KIZ: variants seen among roughly 807,000 people sequenced by gnomAD.
The protein encoded by KIZ is centrosomal protein kizuna.
Under a neutral mutation model 79.6 loss-of-function variants are expected in KIZ, and 68 were observed. That is an observed-to-expected ratio of 0.85 (90% confidence interval 0.70 to 1.05). The LOEUF is 1.05. KIZ is among the 50% of genes least tolerant of loss of function. The pLI is 0.00. For missense variants in KIZ, 797 were observed against 800.4 expected, an observed-to-expected ratio of 1.00 and a Z score of 0.05; for synonymous variants, 280 against 281.8, an observed-to-expected ratio of 0.99 and a Z score of 0.06.
upstream of KIZ, chr20:21,126,079 C>A (rs1352770870): frequency 1.8e-5 from 27 of 1,492,628 alleles, no homozygotes; most frequent in Non-Finnish European, 2.3e-5. Context: ...CGAACGGCCA[C>A]CCAGAGGCTG....
rs78804075 is a variant in KIZ at position 21,162,768 on chromosome 20, A to G, written c.1043-82A>G. 0.012 allele frequency: 13,532 copies of G among 1,118,946 alleles called. 108 individuals carry two copies. The highest frequency in any genetic ancestry group is 0.023 in the Middle Eastern group (97 of 4,234). 69.3% of individuals were successfully genotyped at this position (1,118,946 alleles called of 1,614,324 possible). On this transcript the variant is annotated intron_variant, in intron 5 of 12. Coordinates refer to ENST00000619189, the MANE Select transcript of KIZ (RefSeq NM_018474.6). Reference sequence around the variant, plus strand: ...TGTGGGTTGCTTCTCCATGTTTTTAACTGATGAGTAATTCTGCTGTGTGTT... The same window carrying G: ...TGTGGGTTGCTTCTCCATGTTTTTAGCTGATGAGTAATTCTGCTGTGTGTT...
At chr20:21,213,616 C>T (rs769862887) in intron 7 of KIZ, 17 of 152,218 alleles carry the variant, frequency 1.1e-4, no homozygotes, top group Admixed American at 2.6e-4. Flanking sequence ...ATGAGAGAAA[C>T]ATACACTCTG....
At chr20:21,243,299 T>C (rs1416328963) in intron 11 of KIZ, among the ~76,000 whole-genome samples, 1 of 113,598 alleles carries the variant, frequency 8.8e-6, no homozygotes, top group Non-Finnish European at 2.1e-5. Flanking sequence ...TAGTGGAGCA[T>C]GTTTTTCTGA....
chr20:21,145,721 T>G, intron 4 of KIZ, 67 bp downstream of exon 4: 1 of 606,498 alleles, frequency 1.6e-6, no homozygotes, highest in Non-Finnish European at 2.8e-6. Flanking sequence ...TCTTGAGATA[T>G]TGTTTTAAAT....
intron 4 of KIZ, 140 bp from the exon 5 acceptor site, chr20:21,161,731 T>C (rs1456629136): frequency 6.9e-6 from 4 of 581,832 alleles, no homozygotes; most frequent in African/African-American, 1.9e-5. Flanking sequence ...TAGGAAGCCA[T>C]GAGTTTAATA....
intron 4 of KIZ, among the ~76,000 whole-genome samples, chr20:21,150,194 G>A (rs190390876): frequency 7.2e-5 from 11 of 152,074 alleles, no homozygotes; most frequent in East Asian, 1.9e-4. Flanking sequence ...TGAGAGAAAC[G>A]CTTGGGCCAA....
chr20:21,145,697 C>A, intron 4 of KIZ, 43 bp downstream of exon 4: 1 of 810,810 alleles, frequency 1.2e-6, no homozygotes, highest in South Asian at 1.9e-5. Flanking sequence ...CAGAGGAATT[C>A]TGGAGTGTTT....
At chr20:21,239,427 C>T (rs573843804) in intron 11 of KIZ, among the ~76,000 whole-genome samples, 1 of 152,212 alleles carries the variant, frequency 6.6e-6, no homozygotes, top group Non-Finnish European at 1.5e-5. Context: ...ACTGCTGGCT[C>T]GCTCTGTGTG....
chr20:21,185,714 CT>C (rs34999241), intron 6 of KIZ, among the ~76,000 whole-genome samples: 3,126 of 138,254 alleles, frequency 0.023, 48 homozygotes, highest in African/African-American at 0.053. Flanking sequence ...CCCAACCCTA[CT>C]TTTTTTTTTT....
At chr20:21,145,675 C>A (rs1455861859) in intron 4 of KIZ, 21 bp downstream of exon 4, 9 of 1,104,554 alleles carry the variant, frequency 8.1e-6, no homozygotes, top group South Asian at 6.3e-5. Context: ...AAATTGGTAA[C>A]CTTTCTGTTA....
chr20:21,232,684 A>G (rs1025979949), intron 10 of KIZ, 50 bp from the exon 11 acceptor site: 2 of 920,720 alleles, frequency 2.2e-6, no homozygotes, highest in Middle Eastern at 2.1e-4. Context: ...ATTTTGTCCC[A>G]TGGCTGCATG....
chr20:21,185,816 G>T (rs1422636616), intron 6 of KIZ, among the ~76,000 whole-genome samples: 1 of 147,192 alleles, frequency 6.8e-6, no homozygotes, highest in Non-Finnish European at 1.5e-5. Flanking sequence ...GGTTCAAGCA[G>T]TTCTCCTGCC....
At chr20:21,245,303 C>T (rs2037351727) in intron 12 of KIZ, 1 of 152,136 alleles carries the variant, frequency 6.6e-6, no homozygotes, top group Non-Finnish European at 1.5e-5. Context: ...AGAAGGACAG[C>T]TACCTACTGT....
chr20:21,133,302 T>C (rs899333342), intron 2 of KIZ: 2 of 152,240 alleles, frequency 1.3e-5, no homozygotes, highest in Non-Finnish European at 2.9e-5. Flanking sequence ...CTCTAGTAAC[T>C]CTGAAAGAGA....
intron 9 of KIZ, among the ~76,000 whole-genome samples, chr20:21,217,619 T>G (rs2036346075): frequency 6.6e-6 from 1 of 152,178 alleles, no homozygotes; most frequent in Admixed American, 6.5e-5. Flanking sequence ...GTGTCAGCTC[T>G]TTTACTCCTT....
Position 21,214,650 on chromosome 20 carries a change from A to G in KIZ, c.1562A>G (p.Lys521Arg), listed in dbSNP as rs1315876381. 1 of 1,612,988 alleles carries G rather than the reference A, an allele frequency of 6.2e-7. No individual in the cohort carries two copies. The highest frequency in any genetic ancestry group is 1.7e-5 in the Admixed American group (1 of 59,992). The change falls in exon 8 of 13, where the codon AAG becomes AGG. Residue 521 changes from lysine to arginine, a missense_variant. Coordinates refer to ENST00000619189, the MANE Select transcript of KIZ (RefSeq NM_018474.6). ...PSILNDNSGI[K>R]EAKPAVWLNS... ...ATTCTGAATGACAATAGTGGAATAA[A>G]GGAAGCCAAACCTGCTGTATGGCTC... is the stretch of plus-strand genomic sequence containing the variant.
At chr20:21,187,219 CA>C (rs2034911964) in intron 6 of KIZ, among the ~76,000 whole-genome samples, 1 of 152,168 alleles carries the variant, frequency 6.6e-6, no homozygotes, top group East Asian at 1.9e-4. Flanking sequence ...GGTTCAACAG[CA>C]AACCAGCCCA....
chr20:21,206,816 G>T (rs1056429246), intron 7 of KIZ, among the ~76,000 whole-genome samples: 2 of 152,148 alleles, frequency 1.3e-5, no homozygotes, highest in East Asian at 1.9e-4. Context: ...GGAGGGAGGG[G>T]CCTGATTTGG....
At chr20:21,241,868 T>C (rs4815032) in intron 11 of KIZ, among the ~76,000 whole-genome samples, 141,912 of 152,210 alleles carry the variant, frequency 0.93, 66,258 homozygotes, top group Middle Eastern at 0.97. Context: ...TTTTTTTTTC[T>C]GCTTCAGCTT....
Sources: allele counts gnomAD v4.1 joint callset (sites outside exome capture counted in the v4.1 genomes callset), GRCh38; gene constraint gnomAD v4.1.1; transcripts MANE v1.5; gene names NCBI Gene and HGNC (gene_info 2026-07-23, HGNC 2026-07-21).